PLCG2: variants seen among roughly 807,000 people sequenced by gnomAD.
PLCG2 encodes phospholipase C gamma 2.
PLCG2 carries 69 observed loss-of-function variants against 175.6 expected under a neutral mutation model. The observed-to-expected ratio is 0.39, with a 90% CI of 0.32 to 0.48. PLCG2 has a LOEUF of 0.48. PLCG2 is among the 20% of genes least tolerant of loss of function. The probability of loss-of-function intolerance (pLI) is 0.91; values close to 1 mark genes in which losing one functional copy is unlikely to be tolerated. For synonymous variants in PLCG2, 827 were observed against 624.0 expected (o/e 1.33, Z -4.85); for missense variants, 1,798 against 1,650.9 (o/e 1.09, Z -1.54).
upstream of PLCG2, among the ~76,000 whole-genome samples, chr16:81,778,055 C>CAAACAAACAAACAAACA (rs1910516699): frequency 3.5e-5 from 2 of 56,776 alleles, no homozygotes; most frequent in African/African-American, 8.3e-5. Flanking sequence ...AAAAAAAAAA[C>CAAACAAACAAACAAACA]AAAAAAAACC....
At chr16:81,849,155 C>T (rs74758109) in intron 2 of PLCG2, among the ~76,000 whole-genome samples, 12,922 of 152,066 alleles carry the variant, frequency 0.085, 575 homozygotes, top group Non-Finnish European at 0.094. Flanking sequence ...AATGGGACGT[C>T]ACGGGAAGGC....
At chr16:81,917,379 C>A (rs1234605627) in intron 19 of PLCG2, among the ~76,000 whole-genome samples, 1 of 152,112 alleles carries the variant, frequency 6.6e-6, no homozygotes, top group Non-Finnish European at 1.5e-5. Flanking sequence ...TTCTCTTTGA[C>A]ATATTGATTT....
At chr16:81,933,727 C>CA (rs1910598411) in intron 25 of PLCG2, among the ~76,000 whole-genome samples, 1 of 152,196 alleles carries the variant, frequency 6.6e-6, no homozygotes, top group Admixed American at 6.5e-5. Flanking sequence ...AAGCACCCCC[C>CA]AAACAGTCAC....
chr16:81,845,348 A>G (rs1906059518), intron 2 of PLCG2, among the ~76,000 whole-genome samples: 1 of 152,090 alleles, frequency 6.6e-6, no homozygotes, highest in Non-Finnish European at 1.5e-5. Flanking sequence ...TTGTTTTGCC[A>G]GGTACTATTT....
chr16:81,958,866 G>A lies in PLCG2; in HGVS notation c.*868G>A, dbSNP rs1911677397. On this transcript the variant is annotated 3_prime_UTR_variant, in exon 33 of 33. Transcript: ENST00000564138. ...AGAGGTCAACTGCTGCTTGAAAGAG[G>A]TAGACAAAAGTTAGGTTGATGGCGA... 1 of 219,940 alleles carries A rather than the reference G, an allele frequency of 4.5e-6. No individual in the cohort carries two copies. The highest frequency in any genetic ancestry group is 9.1e-6 in the Non-Finnish European group (1 of 109,664). The allele number at this position is 219,940 out of a possible 1,614,324, so 13.6% of individuals were successfully genotyped here. A position where few individuals can be genotyped will look rare whatever the true frequency, so the allele number is the denominator to read the frequency against.
Position 81,958,216 on chromosome 16 carries a change from A to T in PLCG2, c.*218A>T, listed in dbSNP as rs920532198. 7.2e-6 allele frequency: 4 copies of T among 557,530 alleles called. No individual in the cohort carries two copies. Among genetic ancestry groups the T allele is most frequent in the Non-Finnish European group, 1.3e-5 (4 of 306,624 alleles). The allele number at this position is 557,530 out of a possible 1,614,324, so 34.5% of individuals were successfully genotyped here. On this transcript the variant is annotated 3_prime_UTR_variant, in exon 33 of 33. Coordinates refer to ENST00000564138, the MANE Select transcript of PLCG2 (RefSeq NM_002661.5). The stretch of plus-strand genomic sequence containing the variant: ...CTTTCTTAACTTATATTCTTTATAG[A>T]GGATTCCCCAAAATGTGCTCCTCAT...
Position 81,923,485 on chromosome 16 carries a change from C to T in PLCG2, c.2308C>T (p.Pro770Ser). ...TTTTCCTTCTTGTTTTCCCTGAAAG[C>T]CTCAGAGAACCGTGAAAGCTCTGTA... The part of the protein sequence containing the change: ...VDPSEINPSM[P>S]QRTVKALYDY... Residue 770 changes from proline to serine, a missense_variant and splice_region_variant, in exon 22 of 33, where the codon CCT becomes TCT. Transcript: ENST00000564138. 1 of 1,600,364 alleles carries T rather than the reference C, an allele frequency of 6.2e-7. No homozygotes were observed. The highest frequency in any genetic ancestry group is 8.6e-7 in the Non-Finnish European group (1 of 1,167,772).
At position 81,960,445 on chromosome 16, in the gene PLCG2, T is replaced by G. The variant is rs1911741191; in HGVS notation, c.*2447T>G. 1 of 227,950 alleles carries G rather than the reference T, an allele frequency of 4.4e-6. No homozygotes were observed. The highest frequency in any genetic ancestry group is 8.7e-6 in the Non-Finnish European group (1 of 114,894). The allele number at this position is 227,950 out of a possible 1,614,324, so 14.1% of individuals were successfully genotyped here. Reference sequence around the variant, plus strand: ...TATTACACTGTTTTTGTTCACCATTTTCCTAAGTGTGTTATTTAGAATATT... The same window carrying G: ...TATTACACTGTTTTTGTTCACCATTGTCCTAAGTGTGTTATTTAGAATATT... On this transcript the variant is annotated 3_prime_UTR_variant, in exon 33 of 33. Coordinates refer to ENST00000564138, the MANE Select transcript of PLCG2 (RefSeq NM_002661.5).
rs7188577 is a variant in PLCG2, at chr16:81,866,608, T to C, written c.480-2606T>C. ...CCCAAGATGAGCTCCACTGGGGCAC[T>C]AGCATGAGAGGATGCTGGCCTCTCC... On this transcript the variant is annotated intron_variant, in intron 5 of 32. Coordinates refer to ENST00000564138, the MANE Select transcript of PLCG2 (RefSeq NM_002661.5). 6.9e-4 allele frequency among the ~76,000 whole-genome samples: 35 copies of C among 50,828 alleles called. 1 individual carries two copies. Among genetic ancestry groups the C allele is most frequent in the East Asian group, 1.4e-3 (2 of 1,390 alleles). 33.3% of individuals were successfully genotyped at this position (50,828 alleles called of 152,430 possible).
intron 24 of PLCG2, among the ~76,000 whole-genome samples, chr16:81,929,057 C>T (rs1910394519): frequency 2.0e-5 from 3 of 152,226 alleles, no homozygotes; most frequent in Admixed American, 2.0e-4. Flanking sequence ...CCTCTTTGAA[C>T]CTCTGCTTCC....
chr16:81,828,955 C>G (rs778507400), intron 2 of PLCG2, among the ~76,000 whole-genome samples: 1 of 152,124 alleles, frequency 6.6e-6, no homozygotes, highest in Non-Finnish European at 1.5e-5. Flanking sequence ...GAATGAATTT[C>G]CTGTGTGGGC....
At position 81,939,872 on chromosome 16, in the gene PLCG2, G is replaced by A. The variant is rs917297022; in HGVS notation, c.3314-20G>A. 6 of 1,594,628 alleles carry A rather than the reference G, an allele frequency of 3.8e-6. No homozygotes were observed. Among genetic ancestry groups the A allele is most frequent in the Non-Finnish European group, 2.6e-6 (3 of 1,162,762 alleles). On this transcript the variant is annotated intron_variant, in intron 29 of 32. Coordinates refer to ENST00000564138, the MANE Select transcript of PLCG2 (RefSeq NM_002661.5). Reference sequence around the variant, plus strand: ...GGGCAGCTCCAATGTGGCCTCTCATGAGCTTTGATCTCCTTCCAGATGATA... The same window carrying A: ...GGGCAGCTCCAATGTGGCCTCTCATAAGCTTTGATCTCCTTCCAGATGATA...
At chr16:81,841,031 CACAG>C (rs929921759) in intron 2 of PLCG2, among the ~76,000 whole-genome samples, 1 of 152,188 alleles carries the variant, frequency 6.6e-6, no homozygotes, top group African/African-American at 2.4e-5. Flanking sequence ...GCATTAGAAT[CACAG>C]ACCTAATTAT....
At chr16:81,794,082 C>G (rs909863098) in intron 2 of PLCG2, among the ~76,000 whole-genome samples, 1 of 152,122 alleles carries the variant, frequency 6.6e-6, no homozygotes, top group African/African-American at 2.4e-5. Context: ...AGAGGACTTG[C>G]TCTGCCAGGT....
chr16:81,805,783 G>GTTTTTTT (rs35014411), intron 2 of PLCG2, among the ~76,000 whole-genome samples: 8 of 82,922 alleles, frequency 9.6e-5, no homozygotes, highest in African/African-American at 3.9e-4. Context: ...TTTTTTTTTT[G>GTTTTTTT]TTTTTTTTTT....
At position 81,957,986 on chromosome 16, in the gene PLCG2, G is replaced by C. The variant is rs374430619; in HGVS notation, c.3786G>C (p.Lys1262Asn). ...GAGAGAAGAGAGTCAGCAACAGCAAGTTTTACTCATAGAAGCTGGGGTATG... is the reference window on the plus strand; with the variant it reads ...GAGAGAAGAGAGTCAGCAACAGCAACTTTTACTCATAGAAGCTGGGGTATG... ...RLREKRVSNS[K>N]FYS The change falls in exon 33 of 33, where the codon AAG becomes AAC. Residue 1262 changes from lysine to asparagine, a missense_variant. Physicochemically the swap from Lys to Asn is moderately conservative, Grantham distance 94 (BLOSUM62 0). Coordinates refer to ENST00000564138, the MANE Select transcript of PLCG2 (RefSeq NM_002661.5). The C allele has an allele frequency of 1.2e-6, 2 of 1,612,842 alleles. No individual in the cohort carries two copies. The highest frequency in any genetic ancestry group is 2.7e-5 in the African/African-American group (2 of 74,890).
intron 30 of PLCG2, among the ~76,000 whole-genome samples, chr16:81,941,942 C>T (rs984119008): frequency 1.3e-5 from 2 of 152,122 alleles, no homozygotes; most frequent in Non-Finnish European, 2.9e-5. Flanking sequence ...CTACTTTAAA[C>T]CCGGCACTGA....
At chr16:81,889,303 G>A in intron 10 of PLCG2, 30 bp downstream of exon 10, 2 of 1,277,730 alleles carry the variant, frequency 1.6e-6, no homozygotes, top group African/African-American at 1.5e-5. Flanking sequence ...TGTCGCTTGG[G>A]GGTGACTTTT....
chr16:81,931,149 T>C (rs1910486556), intron 24 of PLCG2: 1 of 165,462 alleles, frequency 6.0e-6, no homozygotes, highest in Non-Finnish European at 1.3e-5. Context: ...CTTTCTCTTA[T>C]AAGGATACTC....
Sources: allele counts gnomAD v4.1 joint callset (sites outside exome capture counted in the v4.1 genomes callset), GRCh38; gene constraint gnomAD v4.1.1; transcripts MANE v1.5; gene names NCBI Gene and HGNC (gene_info 2026-07-23, HGNC 2026-07-21).